MALT1: variants seen among roughly 807,000 people sequenced by gnomAD.
MALT1 encodes the protein mucosa-associated lymphoid tissue lymphoma translocation protein 1.
In MALT1, 36 loss-of-function variants were observed where a neutral mutation model predicts 85.5. The observed-to-expected ratio is 0.42, with a 90% CI of 0.32 to 0.56. The LOEUF is 0.56. Ranked by LOEUF, MALT1 falls within the 20% of genes least tolerant of loss-of-function variation. The pLI is 0.10. For synonymous variants in MALT1, 359 were observed against 361.3 expected, an observed-to-expected ratio of 0.99 and a Z score of 0.07; for missense variants, 716 against 981.6, an observed-to-expected ratio of 0.73 and a Z score of 3.62.
At chr18:58,715,121 A>C (rs2054881332) in intron 8 of MALT1, among the ~76,000 whole-genome samples, 1 of 152,120 alleles carries the variant, frequency 6.6e-6, no homozygotes, top group Non-Finnish European at 1.5e-5. Flanking sequence ...ACTGTCAAAA[A>C]CCATCCTAGT....
At chr18:58,733,628 C>A in intron 11 of MALT1, 54 bp downstream of exon 11, 1 of 1,337,296 alleles carries the variant, frequency 7.5e-7, no homozygotes. Flanking sequence ...TCGACCATGA[C>A]AAACTAGAGA....
At chr18:58,682,292 G>A (rs1270782271) in intron 2 of MALT1, among the ~76,000 whole-genome samples, 1 of 152,154 alleles carries the variant, frequency 6.6e-6, no homozygotes, top group Non-Finnish European at 1.5e-5. Flanking sequence ...TGGTATAGTG[G>A]TATGCTGTCA....
rs1459153703 is a variant in MALT1 at position 58,747,708 on chromosome 18, C to T, written c.2341C>T (p.Arg781Trp). Residue 781 changes from arginine to tryptophan, a missense_variant, in exon 17 of 17, where the codon CGG (arginine) becomes TGG (tryptophan). Physicochemically the swap from Arg to Trp is moderately radical, Grantham distance 101. Transcript: ENST00000649217. Reference sequence around the variant, plus strand: ...ACCAGCAGATAGCTGTCATTGCAGCCGGACTCCAGATGCATTTATTTCAAG... The same window carrying T: ...ACCAGCAGATAGCTGTCATTGCAGCTGGACTCCAGATGCATTTATTTCAAG... ...VTPADSCHCSRTPDAFISSFA... is the reference protein window; with the variant it reads ...VTPADSCHCSWTPDAFISSFA... 9.9e-6 allele frequency: 16 copies of T among 1,613,978 alleles called. No individual in the cohort carries two copies. The highest frequency in any genetic ancestry group is 3.3e-5 in the Admixed American group (2 of 59,976).
chr18:58,736,091 C>G (rs182609400), intron 13 of MALT1, among the ~76,000 whole-genome samples: 3 of 152,048 alleles, frequency 2.0e-5, no homozygotes, highest in Admixed American at 1.3e-4. Flanking sequence ...AGTTCAAGAC[C>G]AGCCTAGGCA....
intron 1 of MALT1, 126 bp downstream of exon 1, chr18:58,671,978 G>T: frequency 1.8e-6 from 1 of 557,198 alleles, no homozygotes; most frequent in Non-Finnish European, 2.6e-6. Context: ...GCGGAGGTGG[G>T]GAGGACTTCG....
At chr18:58,683,626 T>C (rs2054354920) in intron 2 of MALT1, among the ~76,000 whole-genome samples, 1 of 152,252 alleles carries the variant, frequency 6.6e-6, no homozygotes, top group Admixed American at 6.5e-5. Flanking sequence ...TTTATATTTT[T>C]ATTTTTGACA....
intron 14 of MALT1, 63 bp from the exon 15 acceptor site, chr18:58,744,275 C>T: frequency 2.8e-6 from 3 of 1,069,118 alleles, no homozygotes; most frequent in Non-Finnish European, 4.1e-6. Flanking sequence ...TATTCTCCTC[C>T]ATAAATATTT....
intron 2 of MALT1, among the ~76,000 whole-genome samples, chr18:58,682,396 A>C (rs1394744036): frequency 1.3e-5 from 2 of 152,230 alleles, no homozygotes; most frequent in Non-Finnish European, 2.9e-5. Flanking sequence ...TTTGGCTTCA[A>C]GAGAATCAAG....
chr18:58,734,169 A>G (rs1449776027), intron 11 of MALT1, 138 bp from the exon 12 acceptor site: 1 of 1,115,414 alleles, frequency 9.0e-7, no homozygotes, highest in African/African-American at 1.6e-5. Context: ...GTAGCTACCT[A>G]GATGAAAAAT....
intron 10 of MALT1, among the ~76,000 whole-genome samples, chr18:58,729,553 G>GTA (rs1243118269): frequency 6.6e-6 from 1 of 151,382 alleles, no homozygotes; most frequent in African/African-American, 2.4e-5. Flanking sequence ...AAAACACTAT[G>GTA]GAGTCAAAAC....
At chr18:58,676,497 C>A (rs982389116) in intron 1 of MALT1, among the ~76,000 whole-genome samples, 20 of 152,196 alleles carry the variant, frequency 1.3e-4, no homozygotes, top group Non-Finnish European at 2.1e-4. Flanking sequence ...TTCTTGCCTT[C>A]CTTTGGACAC....
chr18:58,736,740 A>G (rs1042188965), intron 13 of MALT1, among the ~76,000 whole-genome samples: 2 of 152,218 alleles, frequency 1.3e-5, no homozygotes, highest in African/African-American at 4.8e-5. Flanking sequence ...ATGTCTGCTT[A>G]ACCAGAATTG....
At chr18:58,707,445 C>T (rs953186931) in intron 4 of MALT1, among the ~76,000 whole-genome samples, 5 of 149,366 alleles carry the variant, frequency 3.3e-5, no homozygotes, top group Non-Finnish European at 7.4e-5. Flanking sequence ...TTTAATTATA[C>T]TCTAAGTTTT....
chr18:58,706,927 A>C (rs1412562597), intron 4 of MALT1, among the ~76,000 whole-genome samples: 1 of 152,148 alleles, frequency 6.6e-6, no homozygotes, highest in Non-Finnish European at 1.5e-5. Context: ...ATTTTTAGCC[A>C]TAATCTCCAA....
At chr18:58,686,062 C>G (rs1201312952) in intron 2 of MALT1, among the ~76,000 whole-genome samples, 1 of 152,140 alleles carries the variant, frequency 6.6e-6, no homozygotes, top group Non-Finnish European at 1.5e-5. Context: ...GAGTCTCACT[C>G]TGTCACCCAG....
At chr18:58,680,788 T>C (rs979767118) in intron 1 of MALT1, among the ~76,000 whole-genome samples, 5 of 151,692 alleles carry the variant, frequency 3.3e-5, no homozygotes, top group Non-Finnish European at 7.4e-5. Context: ...CCGGGCGCGG[T>C]GGCGGGCGCC....
chr18:58,739,423 A>C (rs1223689725), intron 13 of MALT1, among the ~76,000 whole-genome samples: 2 of 152,354 alleles, frequency 1.3e-5, no homozygotes, highest in South Asian at 2.1e-4. Flanking sequence ...GATGGAGGAC[A>C]ACCAAGATGG....
At chr18:58,674,243 C>G (rs1389966428) in intron 1 of MALT1, 4 of 152,182 alleles carry the variant, frequency 2.6e-5, no homozygotes, top group Non-Finnish European at 1.5e-5. Context: ...CGCCTGCCTT[C>G]AGTCAGTTTT....
intron 9 of MALT1, among the ~76,000 whole-genome samples, chr18:58,722,175 A>G (rs955537426): frequency 2.6e-5 from 4 of 150,990 alleles, no homozygotes; most frequent in South Asian, 2.1e-4. Flanking sequence ...CATTGACCCC[A>G]TTCCAGGCTA....
Sources: allele counts gnomAD v4.1 joint callset (sites outside exome capture counted in the v4.1 genomes callset), GRCh38; gene constraint gnomAD v4.1.1; transcripts MANE v1.5; gene names NCBI Gene and HGNC (gene_info 2026-07-23, HGNC 2026-07-21).